The following TRIM24 variants were observed in gnomAD, a reference collection of about 807,000 sequenced individuals.
TRIM24 encodes transcription intermediary factor 1-alpha.
TRIM24 carries 29 observed loss-of-function variants against 123.9 expected under a neutral mutation model. The observed-to-expected ratio is 0.23, with a 90% CI of 0.17 to 0.32. TRIM24 has a LOEUF of 0.32. Among genes scored for constraint, TRIM24 ranks in the 10% least tolerant of loss-of-function variants. TRIM24 has a pLI of 1.00. For missense variants in TRIM24, 932 were observed against 1,295.3 expected (o/e 0.72, Z 4.31); for synonymous variants, 456 against 461.1 (o/e 0.99, Z 0.14).
Position 138,587,831 on chromosome 7 carries a change from T to A in TRIM24, c.*2880T>A, listed in dbSNP as rs768119884. On this transcript the variant is annotated 3_prime_UTR_variant, in exon 19 of 19. Transcript: ENST00000343526. ...AAGCCCAAGTACTTGACCAGTGATA[T>A]ATATGGCCATGGCAAAAGTATAAAT... The A allele has an allele frequency of 6.6e-6, 1 of 152,214 alleles. No homozygotes were observed. Among genetic ancestry groups the A allele is most frequent in the Non-Finnish European group, 1.5e-5 (1 of 68,052 alleles). The allele number at this position is 152,214 out of a possible 1,614,324, so 9.4% of individuals were successfully genotyped here. A position where few individuals can be genotyped will look rare whatever the true frequency, so the allele number is the denominator to read the frequency against.
intron 2 of TRIM24, chr7:138,514,533 G>A (rs957234523): frequency 7.9e-5 from 12 of 152,082 alleles, no homozygotes; most frequent in African/African-American, 2.4e-4. Context: ...TGCTCTTCTT[G>A]CTTGGGACTT....
intron 1 of TRIM24, among the ~76,000 whole-genome samples, chr7:138,489,979 C>G (rs760511072): frequency 1.9e-4 from 29 of 152,232 alleles, no homozygotes; most frequent in Non-Finnish European, 3.8e-4. Context: ...CCATCACTTT[C>G]AGGTATACCG....
chr7:138,567,640 C>T lies in TRIM24; in HGVS notation c.1690C>T (p.Gln564Ter). The T allele has an allele frequency of 6.3e-7, 1 of 1,590,782 alleles. No individual in the cohort carries two copies. Among genetic ancestry groups the T allele is most frequent in the Non-Finnish European group, 8.5e-7 (1 of 1,170,932 alleles). ...NPLQMAFLAQ[Q>*]AIKQWQISSG... is the part of the protein sequence containing the mutation. Reference sequence around the variant, plus strand: ...CCTACAGATGGCTTTCTTGGCTCAACAAGCCATAAAACAGGTATATATCTA... The same window carrying T: ...CCTACAGATGGCTTTCTTGGCTCAATAAGCCATAAAACAGGTATATATCTA... Residue 564 changes from glutamine to a stop codon, truncating the protein, a stop_gained, in exon 10 of 19, where the codon CAA becomes TAA. Coordinates refer to ENST00000343526, the MANE Select transcript of TRIM24 (RefSeq NM_015905.3). LOFTEE classifies it high-confidence loss of function.
At chr7:138,576,919 C>T (rs1797773558) in intron 13 of TRIM24, among the ~76,000 whole-genome samples, 1 of 150,184 alleles carries the variant, frequency 6.7e-6, no homozygotes, top group Admixed American at 6.6e-5. Context: ...CCAGTTCTTA[C>T]TTTATCATAT....
rs1401844294 is a variant in TRIM24 at position 138,460,656 on chromosome 7, G to C, written c.108G>C (p.Arg36=). The change falls in exon 1 of 19, where the codon CGG becomes CGC. Residue 36 remains arginine (R), a synonymous_variant. Coordinates refer to ENST00000343526, the MANE Select transcript of TRIM24 (RefSeq NM_015905.3). ...GCGGGGAGAACGAGGCCGAGAGTCG[G>C]CAGGGCCCGGACTCGGAGCGCGGCG... ...APSGENEAES[R]QGPDSERGGE... is the part of the protein sequence containing the mutation. The C allele has an allele frequency of 1.3e-6, 2 of 1,486,472 alleles. No homozygotes were observed. Among genetic ancestry groups the C allele is most frequent in the Non-Finnish European group, 1.8e-6 (2 of 1,122,784 alleles). 92.1% of individuals were successfully genotyped at this position (1,486,472 alleles called of 1,614,324 possible).
chr7:138,560,141 A>T (rs1001013550), intron 9 of TRIM24, among the ~76,000 whole-genome samples: 3 of 152,184 alleles, frequency 2.0e-5, no homozygotes, highest in African/African-American at 7.2e-5. Context: ...CCCATCTCAG[A>T]TGAGTTTTTT....
chr7:138,485,707 T>C (rs1325629852), intron 1 of TRIM24, among the ~76,000 whole-genome samples: 1 of 152,234 alleles, frequency 6.6e-6, no homozygotes, highest in African/African-American at 2.4e-5. Flanking sequence ...TTCCATGGTG[T>C]ATATGCGCCA....
chr7:138,534,152 C>A, intron 6 of TRIM24, among the ~76,000 whole-genome samples: 1 of 151,864 alleles, frequency 6.6e-6, no homozygotes, highest in East Asian at 1.9e-4. Context: ...TTGATCTTTT[C>A]AAAAAAACCA....
Position 138,579,215 on chromosome 7 carries a change from A to G in TRIM24, c.2268A>G (p.Pro756=), listed in dbSNP as rs1797841090. ...EESRPQNANY[P]RSILTSLLLN... ...TTTTTCTACTACAGGCCAATTATCC[A>G]AGAAGCATACTCACCTCCCTGCTCT... Residue 756 remains proline (P), a synonymous_variant, in exon 15 of 19, where the codon CCA becomes CCG. Coordinates refer to ENST00000343526, the MANE Select transcript of TRIM24 (RefSeq NM_015905.3). The G allele has an allele frequency of 6.4e-7, 1 of 1,572,938 alleles. No individual in the cohort carries two copies.
At chr7:138,549,386 TGC>T (rs1797165774) in intron 7 of TRIM24, among the ~76,000 whole-genome samples, 1 of 152,112 alleles carries the variant, frequency 6.6e-6, no homozygotes, top group African/African-American at 2.4e-5. Flanking sequence ...ACTGAGATTG[TGC>T]ACTGCCAAGA....
intron 11 of TRIM24, 105 bp downstream of exon 11, chr7:138,571,108 T>C (rs1797646562): frequency 8.6e-7 from 1 of 1,165,616 alleles, no homozygotes. Flanking sequence ...GGCAGACAGA[T>C]TACTTGAGGT....
At position 138,500,761 on chromosome 7, in the gene TRIM24, G is replaced by A. The variant is rs140037527; in HGVS notation, c.365-3529G>A. On this transcript the variant is annotated intron_variant, in intron 1 of 18. Coordinates refer to ENST00000343526, the MANE Select transcript of TRIM24 (RefSeq NM_015905.3). ...ATGGTGGTGCAGTTTTGGCAATTTT[G>A]TTGTATAAGTATGATAGGGTGTACT... Among the ~76,000 whole-genome samples the A allele has an allele frequency of 3.9e-4, 59 of 151,728 alleles. No homozygotes were observed. The East Asian group carries it at 8.0e-3, about 20-fold the overall frequency.
At chr7:138,544,213 A>G (rs1419858458) in intron 7 of TRIM24, among the ~76,000 whole-genome samples, 2 of 152,190 alleles carry the variant, frequency 1.3e-5, no homozygotes, top group South Asian at 2.1e-4. Flanking sequence ...AGTAACCACC[A>G]TTCCAGTTTG....
chr7:138,472,490 C>T (rs1584684589), intron 1 of TRIM24, among the ~76,000 whole-genome samples: 1 of 152,100 alleles, frequency 6.6e-6, no homozygotes, highest in Non-Finnish European at 1.5e-5. Flanking sequence ...CCACTGATTT[C>T]TCCCTTAAAT....
chr7:138,537,927 G>A (rs552103859), intron 6 of TRIM24, among the ~76,000 whole-genome samples: 1 of 152,070 alleles, frequency 6.6e-6, no homozygotes. Flanking sequence ...CTTTTTCCTT[G>A]CTAGGTCTAG....
intron 9 of TRIM24, among the ~76,000 whole-genome samples, chr7:138,563,825 T>C (rs1797477213): frequency 6.6e-6 from 1 of 152,246 alleles, no homozygotes; most frequent in Non-Finnish European, 1.5e-5. Flanking sequence ...CCTGCCTTCC[T>C]TTAGCCCTTG....
At position 138,585,992 on chromosome 7, in the gene TRIM24, AAT is replaced by A. The variant is rs1164409665; in HGVS notation, c.*1043_*1044del. On this transcript the variant is annotated 3_prime_UTR_variant, in exon 19 of 19. Coordinates refer to ENST00000343526, the MANE Select transcript of TRIM24 (RefSeq NM_015905.3). Reference sequence around the variant, plus strand: ...TGGGAGCAGGCAGCTGGGGGGAATTAATAGTGATTTTTTTTTTTTCCTGAAGC... The same window carrying A: ...TGGGAGCAGGCAGCTGGGGGGAATTAAGTGATTTTTTTTTTTTCCTGAAGC... 1 of 463,314 alleles carries A rather than the reference AAT, an allele frequency of 2.2e-6. No individual in the cohort carries two copies. The highest frequency in any genetic ancestry group is 4.3e-6 in the Non-Finnish European group (1 of 233,168). 28.7% of individuals were successfully genotyped at this position (463,314 alleles called of 1,614,324 possible).
chr7:138,564,385 CT>C (rs1468226687), intron 9 of TRIM24, among the ~76,000 whole-genome samples: 1 of 152,150 alleles, frequency 6.6e-6, no homozygotes, highest in Non-Finnish European at 1.5e-5. Context: ...AATCTGACTC[CT>C]TGGGGGCCGT....
intron 7 of TRIM24, among the ~76,000 whole-genome samples, chr7:138,546,107 G>C (rs1003350331): frequency 1.3e-5 from 2 of 152,152 alleles, no homozygotes; most frequent in Admixed American, 1.3e-4. Context: ...TAGAATCTCA[G>C]AATACCTCTT....
Sources: allele counts gnomAD v4.1 joint callset (sites outside exome capture counted in the v4.1 genomes callset), GRCh38; gene constraint gnomAD v4.1.1; transcripts MANE v1.5; gene names NCBI Gene and HGNC (gene_info 2026-07-23, HGNC 2026-07-21).